The following KIAA1958 variants were observed in gnomAD, a reference collection of about 807,000 sequenced individuals.
KIAA1958 encodes the protein KIAA1958, also known as uncharacterized protein KIAA1958.
Under a neutral mutation model 47.2 loss-of-function variants are expected in KIAA1958, and 14 were observed. The ratio of observed to expected loss-of-function variants is 0.30; its 90% CI spans 0.20 to 0.46. The LOEUF (loss-of-function observed/expected upper bound fraction) is 0.46, where lower values mean the gene tolerates loss of function less well. Ranked by LOEUF, KIAA1958 falls within the 20% of genes least tolerant of loss-of-function variation. The pLI is 1.00. For missense variants in KIAA1958, 803 were observed against 909.2 expected, an observed-to-expected ratio of 0.88 and a Z score of 1.50; for synonymous variants, 354 against 353.3, an observed-to-expected ratio of 1.00 and a Z score of -0.02.
intron 1 of KIAA1958, among the ~76,000 whole-genome samples, chr9:112,501,672 G>A (rs1206334690): frequency 1.3e-5 from 2 of 152,200 alleles, no homozygotes; most frequent in Admixed American, 6.5e-5. Context: ...AGAGAGACGG[G>A]AAGGGCATGA....
At chr9:112,579,866 GGA>G (rs1365573276) in intron 2 of KIAA1958, among the ~76,000 whole-genome samples, 1 of 152,194 alleles carries the variant, frequency 6.6e-6, no homozygotes, top group Non-Finnish European at 1.5e-5. Context: ...ATAAGTTAAA[GGA>G]GAGAATTGAC....
At chr9:112,529,218 T>C (rs1284960728) in intron 1 of KIAA1958, among the ~76,000 whole-genome samples, 2 of 152,202 alleles carry the variant, frequency 1.3e-5, no homozygotes, top group East Asian at 1.9e-4. Flanking sequence ...ATAATACATA[T>C]TGTATATAGG....
intron 2 of KIAA1958, among the ~76,000 whole-genome samples, chr9:112,603,517 C>T (rs1486106444): frequency 6.6e-6 from 1 of 152,184 alleles, no homozygotes; most frequent in Non-Finnish European, 1.5e-5. Context: ...CCAAGTCCCA[C>T]CCAGTTCCAC....
intron 2 of KIAA1958, among the ~76,000 whole-genome samples, chr9:112,616,382 A>G (rs1405124077): frequency 6.6e-6 from 1 of 152,246 alleles, no homozygotes; most frequent in African/African-American, 2.4e-5. Flanking sequence ...TTAAAATAGC[A>G]TGGCTATTCA....
chr9:112,583,014 A>G (rs752646358), intron 2 of KIAA1958, among the ~76,000 whole-genome samples: 4 of 152,214 alleles, frequency 2.6e-5, no homozygotes, highest in Admixed American at 1.3e-4. Flanking sequence ...GTGATTTTGT[A>G]TGCGCATTAG....
chr9:112,585,146 A>C (rs985894551), intron 2 of KIAA1958, among the ~76,000 whole-genome samples: 1 of 152,212 alleles, frequency 6.6e-6, no homozygotes, highest in Admixed American at 6.5e-5. Flanking sequence ...TCAGTTTATC[A>C]GACCTGTTTT....
intron 1 of KIAA1958, among the ~76,000 whole-genome samples, chr9:112,540,308 T>C (rs1469854445): frequency 6.6e-6 from 1 of 152,212 alleles, no homozygotes; most frequent in Admixed American, 6.5e-5. Flanking sequence ...TGATGTGTCG[T>C]ATCTCTAATT....
In KIAA1958 at chr9:112,487,034, G is replaced by A; in HGVS notation, c.-109G>A. ...TCCCGCCCTCGCGCCCCTTCGGCCC[G>A]TCCCGTCCAGCCCGGGCTGCCCGGC... On this transcript the variant is annotated 5_prime_UTR_variant, in exon 1 of 4. Transcript: ENST00000337530. The A allele has an allele frequency of 4.8e-6, 1 of 206,984 alleles. No individual in the cohort carries two copies. Among genetic ancestry groups the A allele is most frequent in the Non-Finnish European group, 9.7e-6 (1 of 102,634 alleles). The allele number at this position is 206,984 out of a possible 1,614,324, so 12.8% of individuals were successfully genotyped here.
intron 2 of KIAA1958, among the ~76,000 whole-genome samples, chr9:112,579,136 AGTAGCTCATAG>A (rs1030656250): frequency 2.0e-5 from 3 of 152,086 alleles, no homozygotes; most frequent in African/African-American, 7.2e-5. Context: ...ACATTTCCCA[AGTAGCTCATAG>A]TCTCTCACGT....
At chr9:112,487,408 C>G (rs1328312060) in intron 1 of KIAA1958, among the ~76,000 whole-genome samples, 1 of 152,022 alleles carries the variant, frequency 6.6e-6, no homozygotes, top group African/African-American at 2.4e-5. Flanking sequence ...CCCCGCCGCC[C>G]GGCAGCTCGG....
At chr9:112,531,834 A>C (rs560726683) in intron 1 of KIAA1958, among the ~76,000 whole-genome samples, 1 of 152,370 alleles carries the variant, frequency 6.6e-6, no homozygotes, top group East Asian at 1.9e-4. Context: ...ATCAAAGTCC[A>C]AAGGTTAACG....
At chr9:112,628,225 A>G (rs558923598) in intron 2 of KIAA1958, among the ~76,000 whole-genome samples, 1 of 152,292 alleles carries the variant, frequency 6.6e-6, no homozygotes, top group South Asian at 2.1e-4. Context: ...ATAAAGGGGT[A>G]ATCTCCTGAA....
chr9:112,533,577 T>TCC (rs78780277), intron 1 of KIAA1958, among the ~76,000 whole-genome samples: 682 of 12,072 alleles, frequency 0.056, 253 homozygotes, highest in Middle Eastern at 0.15. Context: ...CGAGACTCCA[T>TCC]CCCAAAAAAA....
chr9:112,609,366 A>G (rs924568681), intron 2 of KIAA1958, among the ~76,000 whole-genome samples: 3 of 152,236 alleles, frequency 2.0e-5, no homozygotes, highest in African/African-American at 7.2e-5. Context: ...TTCTAATAAA[A>G]TACTAGTATA....
In KIAA1958 at chr9:112,563,065, G is replaced by GTCTCTCTCTC. The variant is rs1554724186; in HGVS notation, c.-24-10980_-24-10971dup. ...TCTTTCTCTCTCTCTCTCTGTCTCT[G>GTCTCTCTCTC]TCTCTCTCTCTCTCTCTCTCTATAT... On this transcript the variant is annotated intron_variant, in intron 1 of 3. Coordinates refer to ENST00000337530, the MANE Select transcript of KIAA1958 (RefSeq NM_133465.4). Among the ~76,000 whole-genome samples, 976 of 126,580 alleles carry GTCTCTCTCTC rather than the reference G, an allele frequency of 7.7e-3. 13 individuals carry two copies. The highest frequency in any genetic ancestry group is 0.021 in the Middle Eastern group (5 of 242). 83.0% of individuals were successfully genotyped at this position (126,580 alleles called of 152,430 possible). A position where few individuals can be genotyped will look rare whatever the true frequency, so the allele number is the denominator to read the frequency against.
chr9:112,575,625 T>C (rs942033445), intron 2 of KIAA1958, among the ~76,000 whole-genome samples: 2 of 152,138 alleles, frequency 1.3e-5, no homozygotes, highest in African/African-American at 4.8e-5. Context: ...GCCAAAATAA[T>C]GTTGGGTAAG....
chr9:112,629,253 CT>C (rs1253097886), intron 2 of KIAA1958, among the ~76,000 whole-genome samples: 1 of 152,132 alleles, frequency 6.6e-6, no homozygotes, highest in Non-Finnish European at 1.5e-5. Context: ...CAGATTAACT[CT>C]GCTATTTTAA....
rs766937955 is a variant in KIAA1958, at chr9:112,574,766, C to G, written c.686C>G (p.Ser229Cys). 2 of 1,614,070 alleles carry G rather than the reference C, an allele frequency of 1.2e-6. No homozygotes were observed. Among genetic ancestry groups the G allele is most frequent in the Non-Finnish European group, 1.7e-6 (2 of 1,179,980 alleles). Residue 229 changes from serine to cysteine, a missense_variant, in exon 2 of 4, where the codon TCC becomes TGC. Physicochemically the swap from Ser to Cys is moderately radical, Grantham distance 112 (BLOSUM62 -1). Around this residue, in one of 2 missense-constraint regions of KIAA1958, gnomAD observed 761 missense variants for 829.3 expected, o/e 0.92. Coordinates refer to ENST00000337530, the MANE Select transcript of KIAA1958 (RefSeq NM_133465.4). ...GGAGGAGTAGATGGACCAGCCCTGT[C>G]CTTGACACAGATGGCAAAACCCAAG... ...LTGGVDGPAL[S>C]LTQMAKPKPQ... is the part of the protein sequence containing the mutation.
At chr9:112,565,324 A>C (rs1835408583) in intron 1 of KIAA1958, among the ~76,000 whole-genome samples, 1 of 152,216 alleles carries the variant, frequency 6.6e-6, no homozygotes, top group Non-Finnish European at 1.5e-5. Context: ...GGCTGGTCTC[A>C]AACCCCTGGG....
Sources: allele counts gnomAD v4.1 joint callset (sites outside exome capture counted in the v4.1 genomes callset), GRCh38; gene constraint gnomAD v4.1.1; regional missense constraint gnomAD v4.1.1; transcripts MANE v1.5; gene names NCBI Gene and HGNC (gene_info 2026-07-23, HGNC 2026-07-21).